Variants in FBXL16 observed in about 807,000 individuals in gnomAD.
The protein encoded by FBXL16 is F-box and leucine rich repeat protein 16, also known as F-box/LRR-repeat protein 16.
A neutral mutation model predicts 36.7 loss-of-function variants in FBXL16; 7 were observed. That is an observed-to-expected ratio of 0.19 (90% CI 0.11 to 0.36). The LOEUF (loss-of-function observed/expected upper bound fraction) is 0.36, where lower values mean the gene tolerates loss of function less well. FBXL16 is among the 10% of genes least tolerant of loss of function. The pLI is 1.00. For missense variants in FBXL16, 463 were observed against 659.4 expected, an observed-to-expected ratio of 0.70 and a Z score of 3.26; for synonymous variants, 355 against 308.7, an observed-to-expected ratio of 1.15 and a Z score of -1.57.
In FBXL16 at chr16:694,371, C is replaced by T. The variant is rs1271071064; in HGVS notation, c.1344G>A (p.Glu448=). The T allele has an allele frequency of 1.3e-6, 2 of 1,539,954 alleles. No individual in the cohort carries two copies. The highest frequency in any genetic ancestry group is 2.5e-5 in the East Asian group (1 of 39,576). ...TGLSGLVQLQ[E]LEELELTNCP... ...AGTTGGTCAGCTCCAGCTCCTCCAG[C>T]TCCTGCAGCTGCACCAGGCCCGACA... The change falls in exon 6 of 6, where the codon GAG becomes GAA. Residue 448 remains glutamate (E), a synonymous_variant. Coordinates refer to ENST00000397621, the MANE Select transcript of FBXL16 (RefSeq NM_153350.4).
chr16:700,427 G>A (rs1356217554), intron 1 of FBXL16, among the ~76,000 whole-genome samples: 3 of 152,114 alleles, frequency 2.0e-5, no homozygotes, highest in Non-Finnish European at 4.4e-5. Flanking sequence ...ACATCACAAC[G>A]TTTGCAAGGG....
intron 1 of FBXL16, among the ~76,000 whole-genome samples, chr16:699,214 T>C (rs957765923): frequency 2.0e-5 from 3 of 152,208 alleles, no homozygotes; most frequent in East Asian, 1.9e-4. Context: ...AGGAAGGCCA[T>C]GCGGAGGTTA....
chr16:696,801 C>G lies in FBXL16; in HGVS notation c.605G>C (p.Arg202Pro). The G allele has an allele frequency of 6.9e-7, 1 of 1,450,796 alleles. No homozygotes were observed. The highest frequency in any genetic ancestry group is 3.0e-5 in the East Asian group (1 of 33,044). 89.9% of individuals were successfully genotyped at this position (1,450,796 alleles called of 1,614,324 possible). A position where few individuals can be genotyped will look rare whatever the true frequency, so the allele number is the denominator to read the frequency against. ...KKGVKAMSLK[R>P]STITDAGLEV... ...GAGGCCTGCGTCCGTGATGGTGGAGCGCTTGAGGCTCATGGCTTTGACACC... is the reference window on the plus strand; with the variant it reads ...GAGGCCTGCGTCCGTGATGGTGGAGGGCTTGAGGCTCATGGCTTTGACACC... The change falls in exon 2 of 6, where the codon CGC (arginine) becomes CCC (proline). Residue 202 changes from arginine to proline, a missense_variant. Around this residue, in one of 3 missense-constraint regions of FBXL16, gnomAD observed 263 missense variants for 341.1 expected, o/e 0.77. Transcript: ENST00000397621.
intron 1 of FBXL16, among the ~76,000 whole-genome samples, chr16:698,627 A>T (rs1262587978): frequency 6.6e-6 from 1 of 152,096 alleles, no homozygotes; most frequent in Non-Finnish European, 1.5e-5. Flanking sequence ...CTCAGAATCT[A>T]CCCAAGGGGC....
Position 696,971 on chromosome 16 carries a change from C to T in FBXL16, c.435G>A (p.Glu145=). Residue 145 remains glutamate, a synonymous_variant, in exon 2 of 6, where the codon GAG becomes GAA. Transcript: ENST00000397621. Reference sequence around the variant, plus strand: ...CGCCACCAGGCAGCACGTTGTAGAGCTCCTTGGCATGCAGCACCGGCGTGA... The same window carrying T: ...CGCCACCAGGCAGCACGTTGTAGAGTTCCTTGGCATGCAGCACCGGCGTGA... ...AGLTPVLHAK[E]LYNVLPGGEK... 2 of 1,598,974 alleles carry T rather than the reference C, an allele frequency of 1.3e-6. No homozygotes were observed. The highest frequency in any genetic ancestry group is 1.7e-6 in the Non-Finnish European group (2 of 1,174,032).
At chr16:700,165 G>C (rs1230429998) in intron 1 of FBXL16, among the ~76,000 whole-genome samples, 1 of 152,244 alleles carries the variant, frequency 6.6e-6, no homozygotes, top group African/African-American at 2.4e-5. Context: ...TGGGGAGGGG[G>C]TGTAGACCGG....
chr16:693,993 G>A lies in FBXL16; in HGVS notation c.*282C>T, dbSNP rs546775157. 52 of 179,746 alleles carry A rather than the reference G, an allele frequency of 2.9e-4. No homozygotes were observed. In the South Asian group the frequency reaches 7.6e-3, roughly 26 times the overall value. The allele number at this position is 179,746 out of a possible 1,614,324, so 11.1% of individuals were successfully genotyped here. ...CGGCTGTGGCTGTGGCGTGGCGGAG[G>A]GCGGCGTGCAGTGCGGGCACGAGGG... On this transcript the variant is annotated 3_prime_UTR_variant, in exon 6 of 6. Coordinates refer to ENST00000397621, the MANE Select transcript of FBXL16 (RefSeq NM_153350.4).
chr16:700,936 T>G (rs1369720593), intron 1 of FBXL16, among the ~76,000 whole-genome samples: 4 of 149,748 alleles, frequency 2.7e-5, no homozygotes, highest in African/African-American at 9.9e-5. Flanking sequence ...GGGCGAAGAG[T>G]GGGGGAGAAG....
rs1216773139 is a variant in FBXL16, at chr16:695,500, G to A, written c.1057C>T (p.Leu353Phe). 1 of 1,593,696 alleles carries A rather than the reference G, an allele frequency of 6.3e-7. No individual in the cohort carries two copies. Among genetic ancestry groups the A allele is most frequent in the Non-Finnish European group, 8.5e-7 (1 of 1,176,370 alleles). The stretch of plus-strand genomic sequence containing the variant: ...TCGGTGATGCGTGGGCACCACGAGA[G>A]GTCAAGGCTGCGCAGCTTGCGCAGG... ...ENLRKLRSLD[L>F]SWCPRITDMA... Residue 353 changes from leucine to phenylalanine, a missense_variant, in exon 3 of 6, where the codon CTC becomes TTC. Coordinates refer to ENST00000397621, the MANE Select transcript of FBXL16 (RefSeq NM_153350.4).
chr16:699,570 T>C (rs2040040960), intron 1 of FBXL16, among the ~76,000 whole-genome samples: 4 of 152,130 alleles, frequency 2.6e-5, no homozygotes, highest in Admixed American at 2.6e-4. Flanking sequence ...CTTGGGGCAT[T>C]GCAAAGTGAA....
intron 1 of FBXL16, among the ~76,000 whole-genome samples, chr16:703,652 G>C (rs2040071801): frequency 6.6e-6 from 1 of 152,116 alleles, no homozygotes; most frequent in South Asian, 2.1e-4. Flanking sequence ...CAGCGGCAGA[G>C]CTCCTCTCCC....
chr16:697,488 T>C lies in FBXL16; in HGVS notation c.-14-69A>G. 1 of 1,459,084 alleles carries C rather than the reference T, an allele frequency of 6.9e-7. No individual in the cohort carries two copies. The highest frequency in any genetic ancestry group is 9.0e-7 in the Non-Finnish European group (1 of 1,106,250). 90.4% of individuals were successfully genotyped at this position (1,459,084 alleles called of 1,614,324 possible). A position where few individuals can be genotyped will look rare whatever the true frequency, so the allele number is the denominator to read the frequency against. On this transcript the variant is annotated intron_variant, in intron 1 of 5. Transcript: ENST00000397621. This position sits in a 1 kb window ranked among gnomAD's most constrained non-coding sequence, Gnocchi z 4.6. ...CTGGAAGGCCGGGGTTGGGGGCGGG[T>C]GCAGTGGGGCTCCTTCCCTCCTTGG...
chr16:704,984 C>T (rs956809753), intron 1 of FBXL16, among the ~76,000 whole-genome samples: 4 of 152,228 alleles, frequency 2.6e-5, no homozygotes, highest in Admixed American at 6.5e-5. Context: ...GGCCAAGGCC[C>T]GGTCCCGCCT....
intron 2 of FBXL16, among the ~76,000 whole-genome samples, chr16:696,436 G>A (rs1379405143): frequency 2.6e-5 from 4 of 152,060 alleles, no homozygotes; most frequent in African/African-American, 9.7e-5. Context: ...GCTAATTTCT[G>A]CATTTTTAAT....
At chr16:695,243 G>T in intron 3 of FBXL16, 167 bp from the exon 4 acceptor site, 1 of 1,152,624 alleles carries the variant, frequency 8.7e-7, no homozygotes, top group Non-Finnish European at 1.2e-6. Context: ...CAGCCAACCC[G>T]TGCTGCGGTT....
chr16:704,782 G>A (rs900483383), intron 1 of FBXL16, among the ~76,000 whole-genome samples: 4 of 152,352 alleles, frequency 2.6e-5, no homozygotes, highest in Middle Eastern at 3.4e-3. Context: ...CAGGCTGCCC[G>A]AACAGAGCCT....
chr16:703,960 G>A (rs537325443), intron 1 of FBXL16, among the ~76,000 whole-genome samples: 43 of 152,348 alleles, frequency 2.8e-4, no homozygotes, highest in Non-Finnish European at 5.9e-4. Context: ...CCTCTTTCCT[G>A]CCCAGTGAAG....
At chr16:694,791 G>A (rs2039998234) in intron 4 of FBXL16, 94 bp from the exon 5 acceptor site, 3 of 1,401,278 alleles carry the variant, frequency 2.1e-6, no homozygotes, top group African/African-American at 1.4e-5. Flanking sequence ...GTTCAAGCCC[G>A]GGGTTCCTCC....
At position 697,508 on chromosome 16, in the gene FBXL16, C is replaced by T. The variant is rs1341878191; in HGVS notation, c.-14-89G>A. 7.0e-7 allele frequency: 1 copy of T among 1,430,842 alleles called. No individual in the cohort carries two copies. Among genetic ancestry groups the T allele is most frequent in the Non-Finnish European group, 9.2e-7 (1 of 1,087,216 alleles). 88.6% of individuals were successfully genotyped at this position (1,430,842 alleles called of 1,614,324 possible). A position where few individuals can be genotyped will look rare whatever the true frequency, so the allele number is the denominator to read the frequency against. On this transcript the variant is annotated intron_variant, in intron 1 of 5. Coordinates refer to ENST00000397621, the MANE Select transcript of FBXL16 (RefSeq NM_153350.4). The surrounding 1 kb of genome is among the most constrained non-coding windows in gnomAD (Gnocchi z 4.6). The stretch of plus-strand genomic sequence containing the variant: ...GCGGGTGCAGTGGGGCTCCTTCCCT[C>T]CTTGGGCGTCCCTATGGTGCTCCCA...
Sources: allele counts gnomAD v4.1 joint callset (sites outside exome capture counted in the v4.1 genomes callset), GRCh38; gene constraint gnomAD v4.1.1; regional missense constraint gnomAD v4.1.1; non-coding constraint Gnocchi (gnomAD v3.1); transcripts MANE v1.5; gene names NCBI Gene and HGNC (gene_info 2026-07-23, HGNC 2026-07-21).